Variants in LRP1B observed in about 807,000 individuals in gnomAD.
LRP1B encodes the protein LDL receptor related protein 1B.
In LRP1B, 217 loss-of-function variants were observed where a neutral mutation model predicts 556.6. The ratio of observed to expected loss-of-function variants is 0.39; its 90% confidence interval spans 0.35 to 0.44. The LOEUF is 0.44. Ranked by LOEUF, LRP1B falls within the 20% of genes least tolerant of loss-of-function variation. LRP1B has a pLI of 1.00. For synonymous variants in LRP1B, 2,047 were observed against 1,865.8 expected (o/e 1.10, Z -2.50); for missense variants, 5,053 against 5,620.8 (o/e 0.90, Z 3.23).
intron 6 of LRP1B, among the ~76,000 whole-genome samples, chr2:141,216,486 C>T (rs1165214085): frequency 6.6e-6 from 1 of 152,138 alleles, no homozygotes; most frequent in Non-Finnish European, 1.5e-5. Flanking sequence ...CTCAGAGTTC[C>T]CAGTGGGGCA....
chr2:140,924,268 T>C (rs2105260874), intron 20 of LRP1B, among the ~76,000 whole-genome samples: 1 of 152,108 alleles, frequency 6.6e-6, no homozygotes, highest in South Asian at 2.1e-4. Flanking sequence ...AAGCAGTCAC[T>C]TACTCTTTTG....
At chr2:141,925,132 T>G (rs553212114) in intron 1 of LRP1B, among the ~76,000 whole-genome samples, 1 of 152,310 alleles carries the variant, frequency 6.6e-6, no homozygotes, top group Non-Finnish European at 1.5e-5. Context: ...CATGTGATAG[T>G]CTTTTCTTTC....
At position 141,297,952 on chromosome 2, in the gene LRP1B, C is replaced by G. The variant is rs1686245357; in HGVS notation, c.344-43311G>C. ...ATATAGCAGACTATACCATCTAGGT[C>G]TGTGTAAGTACACTCTGTAATGTTC... On this transcript the variant is annotated intron_variant, in intron 3 of 90. Transcript: ENST00000389484. Among the ~76,000 whole-genome samples, 5 of 152,272 alleles carry G rather than the reference C, an allele frequency of 3.3e-5. No homozygotes were observed. The South Asian group carries it at 1.0e-3, about 32-fold the overall frequency.
At chr2:140,978,123 A>G (rs1403459712) in intron 18 of LRP1B, among the ~76,000 whole-genome samples, 1 of 152,232 alleles carries the variant, frequency 6.6e-6, no homozygotes, top group East Asian at 1.9e-4. Flanking sequence ...TTAAAGCTGA[A>G]TCCTCAGAGG....
At chr2:140,390,478 A>C (rs1041476631) in intron 66 of LRP1B, among the ~76,000 whole-genome samples, 2 of 152,148 alleles carry the variant, frequency 1.3e-5, no homozygotes, top group Non-Finnish European at 2.9e-5. Context: ...ATAATGTAAA[A>C]TTTCTAGAAT....
At chr2:140,740,685 G>T (rs1228954935) in intron 35 of LRP1B, among the ~76,000 whole-genome samples, 3 of 152,044 alleles carry the variant, frequency 2.0e-5, no homozygotes, top group Admixed American at 1.3e-4. Flanking sequence ...TATTCTCTAC[G>T]TTCTGGAAGC....
At chr2:141,458,496 AG>A (rs1681722834) in intron 3 of LRP1B, among the ~76,000 whole-genome samples, 1 of 152,224 alleles carries the variant, frequency 6.6e-6, no homozygotes, top group African/African-American at 2.4e-5. Context: ...TTGGTAGAAA[AG>A]CAAGACACAA....
intron 7 of LRP1B, among the ~76,000 whole-genome samples, chr2:141,157,077 T>TA (rs1253060337): frequency 6.6e-6 from 1 of 152,046 alleles, no homozygotes; most frequent in African/African-American, 2.4e-5. Context: ...ATGTATCTAT[T>TA]AAAAAAACGA....
At chr2:141,693,376 T>C (rs537002316) in intron 2 of LRP1B, among the ~76,000 whole-genome samples, 43 of 152,178 alleles carry the variant, frequency 2.8e-4, no homozygotes, top group African/African-American at 9.9e-4. Flanking sequence ...TAAGATTAAA[T>C]TGTAGCTTAT....
At chr2:141,705,065 C>T (rs1337868908) in intron 2 of LRP1B, among the ~76,000 whole-genome samples, 1 of 151,982 alleles carries the variant, frequency 6.6e-6, no homozygotes, top group African/African-American at 2.4e-5. Flanking sequence ...TCCTTACAAA[C>T]ACCACCTCAC....
chr2:141,917,607 T>C (rs2104965906), intron 1 of LRP1B, among the ~76,000 whole-genome samples: 2 of 152,312 alleles, frequency 1.3e-5, no homozygotes, highest in South Asian at 4.1e-4. Context: ...TCTAAAGGAT[T>C]CTTCTCCTTA....
chr2:141,118,522 T>C (rs1275300960), intron 7 of LRP1B, among the ~76,000 whole-genome samples: 1 of 151,968 alleles, frequency 6.6e-6, no homozygotes, highest in Admixed American at 6.6e-5. Context: ...CCATATGAAA[T>C]GTAATGGATA....
At chr2:141,753,328 T>A (rs549659603) in intron 2 of LRP1B, among the ~76,000 whole-genome samples, 1 of 138,392 alleles carries the variant, frequency 7.2e-6, no homozygotes, top group Non-Finnish European at 1.6e-5. Context: ...ATCACAGCCA[T>A]AGACGTTTTA....
intron 31 of LRP1B, among the ~76,000 whole-genome samples, chr2:140,820,708 T>G (rs1835166): frequency 0.74 from 112,857 of 151,978 alleles, 44,746 homozygotes; most frequent in East Asian, 0.89. Context: ...AACAAAATAT[T>G]TTTAAAGCAC....
At chr2:141,557,334 T>A (rs572069292) in intron 2 of LRP1B, among the ~76,000 whole-genome samples, 1 of 152,046 alleles carries the variant, frequency 6.6e-6, no homozygotes, top group East Asian at 1.9e-4. Flanking sequence ...ATGGAGATAA[T>A]GCAAGAAAGA....
chr2:141,687,904 TA>T (rs1254121854), intron 2 of LRP1B, among the ~76,000 whole-genome samples: 1 of 133,014 alleles, frequency 7.5e-6, no homozygotes. Context: ...CATTTTTAAA[TA>T]GAGGGTCTGC....
intron 11 of LRP1B, among the ~76,000 whole-genome samples, chr2:141,021,976 C>G (rs1412361692): frequency 6.6e-6 from 1 of 151,840 alleles, no homozygotes; most frequent in Non-Finnish European, 1.5e-5. Flanking sequence ...TCTCTTCTGT[C>G]TCTTTTCTTT....
intron 1 of LRP1B, among the ~76,000 whole-genome samples, chr2:141,830,645 T>C (rs949117218): frequency 1.3e-5 from 2 of 151,820 alleles, no homozygotes; most frequent in African/African-American, 4.8e-5. Flanking sequence ...ATAATTTAAG[T>C]CTAGCTAACA....
chr2:140,267,212 G>A (rs1004596746), intron 86 of LRP1B, among the ~76,000 whole-genome samples: 21 of 152,102 alleles, frequency 1.4e-4, no homozygotes, highest in African/African-American at 4.3e-4. Flanking sequence ...AAAATTTATA[G>A]AGACTCAGAT....
Sources: gnomAD v4.1 joint callset for allele counts (sites outside exome capture counted in the v4.1 genomes callset) on GRCh38, gnomAD v4.1.1 for gene constraint, MANE v1.5 for transcripts, NCBI Gene and HGNC (gene_info 2026-07-23, HGNC 2026-07-21) for gene names.